Variants in ALG5 observed in about 807,000 individuals in gnomAD.
ALG5 encodes the protein dolichyl-phosphate beta-glucosyltransferase.
A neutral mutation model predicts 51.8 loss-of-function variants in ALG5; 26 were observed. The observed-to-expected ratio is 0.50, with a 90% confidence interval of 0.37 to 0.70. The LOEUF (loss-of-function observed/expected upper bound fraction) is 0.70. Ranked by LOEUF, ALG5 falls within the 30% of genes least tolerant of loss-of-function variation. The pLI is 0.00. For synonymous variants in ALG5, 141 were observed against 136.1 expected, an observed-to-expected ratio of 1.04 and a Z score of -0.25; for missense variants, 311 against 399.3, an observed-to-expected ratio of 0.78 and a Z score of 1.88.
intron 9 of ALG5, among the ~76,000 whole-genome samples, chr13:36,950,957 T>A (rs1047367023): frequency 6.6e-6 from 1 of 152,130 alleles, no homozygotes; most frequent in Non-Finnish European, 1.5e-5. Flanking sequence ...GGTTTAACAT[T>A]TCATTATCAT....
intron 8 of ALG5, among the ~76,000 whole-genome samples, chr13:36,965,294 C>G (rs958270132): frequency 3.1e-4 from 4 of 13,086 alleles, no homozygotes; most frequent in African/African-American, 1.4e-3. Context: ...TGAGCTTTTT[C>G]TTTTTTCTTC....
chr13:36,982,373 G>A (rs761745449), intron 6 of ALG5, among the ~76,000 whole-genome samples: 4 of 152,192 alleles, frequency 2.6e-5, no homozygotes, highest in Non-Finnish European at 5.9e-5. Context: ...AAGATCACTA[G>A]GTAGTTGTAA....
chr13:36,974,950 C>T (rs1010449898), intron 6 of ALG5, among the ~76,000 whole-genome samples: 23 of 152,304 alleles, frequency 1.5e-4, no homozygotes, highest in East Asian at 3.9e-4. Context: ...CAGTGGCTCA[C>T]GCCTGTAATC....
At chr13:36,970,010 T>A (rs895678010) in intron 7 of ALG5, among the ~76,000 whole-genome samples, 1 of 150,302 alleles carries the variant, frequency 6.7e-6, no homozygotes, top group Non-Finnish European at 1.5e-5. Context: ...GAATTTAGTA[T>A]TTAATAGTTT....
intron 6 of ALG5, among the ~76,000 whole-genome samples, chr13:36,978,341 C>G (rs1252239480): frequency 2.6e-5 from 4 of 151,838 alleles, no homozygotes; most frequent in Non-Finnish European, 5.9e-5. Context: ...CACGTGCCAC[C>G]ACACCCAGCT....
intron 8 of ALG5, among the ~76,000 whole-genome samples, chr13:36,955,237 G>A (rs1002672908): frequency 2.0e-5 from 3 of 152,210 alleles, no homozygotes; most frequent in African/African-American, 4.8e-5. Flanking sequence ...TTTCTCACAC[G>A]TAGCTCTGCT....
intron 1 of ALG5, among the ~76,000 whole-genome samples, chr13:36,995,854 C>G (rs1348527297): frequency 6.6e-6 from 1 of 152,126 alleles, no homozygotes; most frequent in African/African-American, 2.4e-5. Flanking sequence ...AGTCATCATT[C>G]GCCAGGCCTC....
intron 8 of ALG5, among the ~76,000 whole-genome samples, chr13:36,953,108 TTC>T (rs956496310): frequency 6.6e-6 from 1 of 152,192 alleles, no homozygotes; most frequent in African/African-American, 2.4e-5. Flanking sequence ...TCCTTGTCTT[TTC>T]TGTTCCCCTT....
At chr13:36,967,416 T>C (rs1354355488) in intron 7 of ALG5, among the ~76,000 whole-genome samples, 1 of 152,142 alleles carries the variant, frequency 6.6e-6, no homozygotes, top group Non-Finnish European at 1.5e-5. Flanking sequence ...AATGAGATTA[T>C]TTTAAAGAAT....
chr13:36,976,193 C>G (rs1225669482), intron 6 of ALG5, among the ~76,000 whole-genome samples: 1 of 151,604 alleles, frequency 6.6e-6, no homozygotes, highest in Non-Finnish European at 1.5e-5. Flanking sequence ...CTTTGGGAGG[C>G]TGAGGTGGGC....
At chr13:36,967,263 C>T (rs948972252) in intron 7 of ALG5, among the ~76,000 whole-genome samples, 1 of 151,226 alleles carries the variant, frequency 6.6e-6, no homozygotes, top group African/African-American at 2.4e-5. Flanking sequence ...AAAGAAAAAG[C>T]ACCAAACTAG....
intron 1 of ALG5, among the ~76,000 whole-genome samples, chr13:36,997,542 CA>C (rs1413752981): frequency 5.3e-5 from 8 of 150,596 alleles, no homozygotes; most frequent in African/African-American, 2.0e-4. Context: ...TTAAGAGACT[CA>C]AGACATCAAC....
intron 6 of ALG5, among the ~76,000 whole-genome samples, chr13:36,985,402 G>T (rs948114923): frequency 1.3e-5 from 2 of 152,106 alleles, no homozygotes; most frequent in African/African-American, 4.8e-5. Context: ...CCAAGAGAGA[G>T]AAATGGTCAC....
intron 7 of ALG5, among the ~76,000 whole-genome samples, chr13:36,969,207 T>C (rs533640127): frequency 2.6e-5 from 4 of 152,188 alleles, no homozygotes; most frequent in Admixed American, 6.5e-5. Flanking sequence ...AATTCAGAGT[T>C]TTCAACCAAT....
At chr13:36,957,423 C>T (rs2058844979) in intron 8 of ALG5, among the ~76,000 whole-genome samples, 1 of 152,058 alleles carries the variant, frequency 6.6e-6, no homozygotes, top group African/African-American at 2.4e-5. Context: ...TTCCCAGATT[C>T]GGACTTCCCT....
intron 8 of ALG5, among the ~76,000 whole-genome samples, chr13:36,956,240 T>C (rs890105455): frequency 1.7e-4 from 26 of 152,078 alleles, no homozygotes; most frequent in African/African-American, 5.6e-4. Context: ...CCAAGAGATA[T>C]ATGAAAAAAT....
At chr13:36,970,099 A>T (rs897793726) in intron 7 of ALG5, among the ~76,000 whole-genome samples, 2 of 150,380 alleles carry the variant, frequency 1.3e-5, no homozygotes, top group Non-Finnish European at 3.0e-5. Flanking sequence ...CATATATATA[A>T]AATGTGCTGA....
chr13:36,966,362 T>C (rs1309879106), intron 7 of ALG5, among the ~76,000 whole-genome samples: 2 of 152,246 alleles, frequency 1.3e-5, no homozygotes, highest in African/African-American at 4.8e-5. Context: ...CTGTTACTGA[T>C]GATTAATTTT....
chr13:36,999,364 ACC>A, upstream of ALG5: 4 of 1,397,544 alleles, frequency 2.9e-6, no homozygotes, highest in Non-Finnish European at 2.8e-6. Context: ...CGCCCGCGCG[ACC>A]CGGCCCCGCC....
Sources: gnomAD v4.1 joint callset for allele counts (sites outside exome capture counted in the v4.1 genomes callset) on GRCh38, gnomAD v4.1.1 for gene constraint, MANE v1.5 for transcripts, NCBI Gene and HGNC (gene_info 2026-07-23, HGNC 2026-07-21) for gene names.